Variants in FAR2 observed in about 807,000 individuals in gnomAD.
The protein encoded by FAR2 is fatty acyl-CoA reductase 2.
A neutral mutation model predicts 56.0 loss-of-function variants in FAR2; 19 were observed. The observed-to-expected ratio is 0.34, with a 90% CI of 0.24 to 0.50. The LOEUF is 0.50. Ranked by LOEUF, FAR2 falls within the 20% of genes least tolerant of loss-of-function variation. FAR2 has a pLI of 0.98. For synonymous variants in FAR2, 219 were observed against 218.8 expected (o/e 1.00, Z -0.01); for missense variants, 508 against 642.2 (o/e 0.79, Z 2.26).
At chr12:29,332,797 T>C in intron 11 of FAR2, 70 bp downstream of exon 11, 1 of 1,407,352 alleles carries the variant, frequency 7.1e-7, no homozygotes, top group Non-Finnish European at 9.8e-7. Flanking sequence ...AGACATAACA[T>C]TTGTGCAGAG....
intron 1 of FAR2, among the ~76,000 whole-genome samples, chr12:29,187,076 C>T (rs11050104): frequency 0.15 from 23,202 of 152,202 alleles, 1,900 homozygotes; most frequent in South Asian, 0.28. Flanking sequence ...GTGTGAGCCA[C>T]TGCGCCCGGC....
chr12:29,220,439 G>A (rs546932045), intron 1 of FAR2, among the ~76,000 whole-genome samples: 2 of 152,262 alleles, frequency 1.3e-5, no homozygotes, highest in Admixed American at 1.3e-4. Context: ...GCTCTTAAAT[G>A]ACTTGCTACG....
At chr12:29,169,689 G>C (rs548981138) in intron 1 of FAR2, among the ~76,000 whole-genome samples, 8 of 152,180 alleles carry the variant, frequency 5.3e-5, no homozygotes, top group Non-Finnish European at 1.2e-4. Context: ...AGGCCTTGGC[G>C]GTTTTGGAGA....
chr12:29,167,896 A>G (rs1042938911), intron 1 of FAR2, among the ~76,000 whole-genome samples: 4 of 152,260 alleles, frequency 2.6e-5, no homozygotes, highest in African/African-American at 9.6e-5. Context: ...CACCTCGTGT[A>G]AGAAACAAGA....
chr12:29,258,636 G>A (rs913441054), intron 1 of FAR2, among the ~76,000 whole-genome samples: 20 of 152,104 alleles, frequency 1.3e-4, no homozygotes, highest in Non-Finnish European at 7.4e-5. Flanking sequence ...TCAACACACA[G>A]TATTTTCTTT....
intron 1 of FAR2, among the ~76,000 whole-genome samples, chr12:29,185,871 C>T (rs921503582): frequency 9.2e-5 from 14 of 152,234 alleles, no homozygotes; most frequent in Middle Eastern, 3.4e-3. Context: ...CCATCCTACG[C>T]GCCAACCTCT....
At chr12:29,324,647 C>T (rs1302678771) in intron 10 of FAR2, among the ~76,000 whole-genome samples, 1 of 152,064 alleles carries the variant, frequency 6.6e-6, no homozygotes, top group Non-Finnish European at 1.5e-5. Context: ...TCCAGCCAAA[C>T]TAAGCTTCAT....
At chr12:29,178,116 T>A (rs1949955666) in intron 1 of FAR2, among the ~76,000 whole-genome samples, 1 of 151,918 alleles carries the variant, frequency 6.6e-6, no homozygotes. Context: ...TGGTGGTCAC[T>A]GTAAAATTAA....
At chr12:29,256,723 G>C (rs1252388869) in intron 1 of FAR2, among the ~76,000 whole-genome samples, 1 of 152,172 alleles carries the variant, frequency 6.6e-6, no homozygotes, top group East Asian at 1.9e-4. Context: ...GGCTTGGCGG[G>C]CCCTGCACTC....
chr12:29,316,870 A>T lies in FAR2; in HGVS notation c.985A>T (p.Ile329Phe). Residue 329 changes from isoleucine to phenylalanine, a missense_variant, in exon 9 of 12, where the codon ATC (isoleucine) becomes TTC (phenylalanine). Transcript: ENST00000536681. ...GVQVLATFEK[I>F]PFERPFRRPN... Reference sequence around the variant, plus strand: ...CCAAGTCTTGGCAACCTTTGAAAAAATCCCATTTGAGAGACCTTTCAGGAG... The same window carrying T: ...CCAAGTCTTGGCAACCTTTGAAAAATTCCCATTTGAGAGACCTTTCAGGAG... 6 of 1,614,022 alleles carry T rather than the reference A, an allele frequency of 3.7e-6. No individual in the cohort carries two copies. Among genetic ancestry groups the T allele is most frequent in the Non-Finnish European group, 5.1e-6 (6 of 1,179,972 alleles).
intron 1 of FAR2, among the ~76,000 whole-genome samples, chr12:29,266,703 C>T (rs536638824): frequency 6.6e-6 from 1 of 152,184 alleles, no homozygotes; most frequent in East Asian, 1.9e-4. Flanking sequence ...GGGTACTCCA[C>T]TTACTCTAAT....
chr12:29,198,662 A>G (rs903487695), intron 1 of FAR2, among the ~76,000 whole-genome samples: 10 of 152,158 alleles, frequency 6.6e-5, no homozygotes, highest in Non-Finnish European at 1.3e-4. Context: ...CATTTTTTTA[A>G]AAACTGAAGC....
intron 1 of FAR2, among the ~76,000 whole-genome samples, chr12:29,174,764 G>A (rs931597525): frequency 6.6e-5 from 10 of 152,126 alleles, no homozygotes; most frequent in South Asian, 6.2e-4. Context: ...GAAGAGAGGC[G>A]AGAAGAAGTT....
chr12:29,272,044 T>G (rs1948627532), intron 2 of FAR2, among the ~76,000 whole-genome samples: 1 of 152,190 alleles, frequency 6.6e-6, no homozygotes. Flanking sequence ...AAACCTAGAA[T>G]AAATTCCCAG....
At chr12:29,191,496 CAG>C (rs141783497) in intron 1 of FAR2, among the ~76,000 whole-genome samples, 142 of 152,332 alleles carry the variant, frequency 9.3e-4, no homozygotes, top group South Asian at 6.8e-3. Context: ...CTTTCAGTGA[CAG>C]AAGTTAAATA....
chr12:29,307,375 T>C (rs960569662), intron 4 of FAR2, among the ~76,000 whole-genome samples: 3 of 151,012 alleles, frequency 2.0e-5, no homozygotes, highest in Non-Finnish European at 4.4e-5. Context: ...AGTATTGCTA[T>C]TGATTCTATC....
intron 3 of FAR2, among the ~76,000 whole-genome samples, chr12:29,295,518 T>C (rs1165647233): frequency 1.3e-5 from 2 of 152,212 alleles, no homozygotes; most frequent in African/African-American, 4.8e-5. Context: ...GGGAGTTTGA[T>C]TAGAATTACC....
chr12:29,168,291 C>T (rs188355314), intron 1 of FAR2, among the ~76,000 whole-genome samples: 39 of 152,222 alleles, frequency 2.6e-4, no homozygotes, highest in East Asian at 1.4e-3. Flanking sequence ...TGTGAGGGTA[C>T]GTGGGGGACC....
At chr12:29,180,185 A>G (rs2136596344) in intron 1 of FAR2, among the ~76,000 whole-genome samples, 2 of 152,328 alleles carry the variant, frequency 1.3e-5, no homozygotes, top group South Asian at 4.1e-4. Flanking sequence ...CTAAAAGCAA[A>G]TTCACGGTGG....
Sources: gnomAD v4.1 joint callset for allele counts (sites outside exome capture counted in the v4.1 genomes callset) on GRCh38, gnomAD v4.1.1 for gene constraint, MANE v1.5 for transcripts, NCBI Gene and HGNC (gene_info 2026-07-23, HGNC 2026-07-21) for gene names.